Variants in CD74 observed in about 807,000 individuals in gnomAD.
CD74 encodes HLA class II histocompatibility antigen gamma chain.
CD74 carries 20 observed loss-of-function variants against 37.1 expected under a neutral mutation model. The ratio of observed to expected loss-of-function variants is 0.54; its 90% CI spans 0.38 to 0.78. CD74 has a LOEUF of 0.78. Among genes scored for constraint, CD74 ranks in the 30% least tolerant of loss-of-function variants. The pLI is 0.00. For missense variants in CD74, 338 were observed against 389.5 expected (o/e 0.87, Z 1.11); for synonymous variants, 150 against 152.0 (o/e 0.99, Z 0.10).
chr5:150,408,859 G>A (rs1323649797), intron 1 of CD74, among the ~76,000 whole-genome samples: 1 of 152,160 alleles, frequency 6.6e-6, no homozygotes, highest in Non-Finnish European at 1.5e-5. Context: ...CCTGTAAGAC[G>A]GCTTGATGGA....
chr5:150,401,976 C>T lies in CD74; in HGVS notation c.*264G>A, dbSNP rs751726792. 19 of 1,318,884 alleles carry T rather than the reference C, an allele frequency of 1.4e-5. No homozygotes were observed. The highest frequency in any genetic ancestry group is 1.8e-4 in the Middle Eastern group (1 of 5,552). The allele number at this position is 1,318,884 out of a possible 1,614,324, so 81.7% of individuals were successfully genotyped here. A position where few individuals can be genotyped will look rare whatever the true frequency, so the allele number is the denominator to read the frequency against. On this transcript the variant is annotated 3_prime_UTR_variant, in exon 9 of 9. Transcript: ENST00000009530. ...TTGGAGGCTGCTGTGATGTCAGGAACGGGGATCTGTCTAGCTTTTGGCCAC... is the reference window on the plus strand; with the variant it reads ...TTGGAGGCTGCTGTGATGTCAGGAATGGGGATCTGTCTAGCTTTTGGCCAC...
chr5:150,410,382 C>G (rs1469920537), intron 1 of CD74, among the ~76,000 whole-genome samples: 2 of 152,130 alleles, frequency 1.3e-5, no homozygotes, highest in African/African-American at 4.8e-5. Context: ...AGTTCTGGGA[C>G]CATCTAAGTT....
At chr5:150,408,348 C>T (rs1176040389) in intron 1 of CD74, among the ~76,000 whole-genome samples, 1 of 152,150 alleles carries the variant, frequency 6.6e-6, no homozygotes, top group African/African-American at 2.4e-5. Flanking sequence ...ACTCTGGGGC[C>T]ATCCTCTGCC....
chr5:150,405,386 C>T (rs1010198081), intron 4 of CD74: 47 of 1,268,844 alleles, frequency 3.7e-5, no homozygotes, highest in Admixed American at 1.6e-4. Flanking sequence ...GAGACTGCAG[C>T]GTTGCGAGTC....
chr5:150,406,148 A>G, intron 4 of CD74, 111 bp downstream of exon 4: 1 of 796,876 alleles, frequency 1.3e-6, no homozygotes, highest in Non-Finnish European at 2.2e-6. Context: ...AGTAATCCAG[A>G]GAGCACATGT....
At position 150,402,874 on chromosome 5, in the gene CD74, C is replaced by T. The variant is rs1463233745; in HGVS notation, c.817+247G>A. On this transcript the variant is annotated intron_variant, in intron 7 of 8. Transcript: ENST00000009530. The surrounding 1 kb of genome is among the most constrained non-coding windows in gnomAD (Gnocchi z 4.2). The stretch of plus-strand genomic sequence containing the variant: ...GGATGGCGCGTGGATGGATGAAATT[C>T]ACAGATGAAAGGACTGACGGATAAG... Among the ~76,000 whole-genome samples, 2 of 152,178 alleles carry T rather than the reference C, an allele frequency of 1.3e-5. No individual in the cohort carries two copies. The highest frequency in any genetic ancestry group is 2.4e-5 in the African/African-American group (1 of 41,414).
chr5:150,404,774 C>T lies in CD74; in HGVS notation c.538-7G>A, dbSNP rs775590064. On this transcript the variant is annotated splice_polypyrimidine_tract_variant and splice_region_variant and intron_variant, in intron 5 of 8. Coordinates refer to ENST00000009530, the MANE Select transcript of CD74 (RefSeq NM_001025159.3). ...GCATCCAGCTCTCAAAGACCTAATA[C>T]GGATAGAGGTGGAGGTCAGGTTCGA... 4.1e-5 allele frequency: 64 copies of T among 1,557,316 alleles called. No homozygotes were observed. The highest frequency in any genetic ancestry group is 2.6e-4 in the Admixed American group (14 of 52,920).
chr5:150,404,915 C>T (rs1250362821), intron 5 of CD74, 148 bp from the exon 6 acceptor site: 2 of 832,254 alleles, frequency 2.4e-6, no homozygotes, highest in Non-Finnish European at 3.9e-6. Context: ...TCTTAAAGAC[C>T]CCTGGGGCTG....
rs1217596405 is a variant in CD74 at position 150,407,391 on chromosome 5, G to A, written c.126-67C>T. On this transcript the variant is annotated intron_variant, in intron 1 of 8. Coordinates refer to ENST00000009530, the MANE Select transcript of CD74 (RefSeq NM_001025159.3). The surrounding 1 kb of genome is among the most constrained non-coding windows in gnomAD (Gnocchi z 4.4). ...TGGTGGCTGCCCCAAGGGCTGGCTA[G>A]GAATGGGGAAATGTATACCCCCATC... 1.3e-5 allele frequency: 18 copies of A among 1,374,260 alleles called. No homozygotes were observed. The highest frequency in any genetic ancestry group is 2.1e-5 in the Admixed American group (1 of 47,864). The allele number at this position is 1,374,260 out of a possible 1,614,324, so 85.1% of individuals were successfully genotyped here.
At chr5:150,404,511 G>A (rs1769830340) in intron 6 of CD74, 169 bp downstream of exon 6, 1 of 587,586 alleles carries the variant, frequency 1.7e-6, no homozygotes, top group Non-Finnish European at 3.1e-6. Flanking sequence ...GCCAAACCAA[G>A]AAGGAACAGA....
rs2151165491 is a variant in CD74, at chr5:150,402,213, G to T, written c.*27C>A. On this transcript the variant is annotated 3_prime_UTR_variant, in exon 9 of 9. Transcript: ENST00000009530. This position sits in a 1 kb window ranked among gnomAD's most constrained non-coding sequence, Gnocchi z 4.2. ...AAGCTGTAGCTGTGTGGGGCTGGCA[G>T]GATGTTGAAGACCGCCTCTGCTGCT... is the stretch of plus-strand genomic sequence containing the variant. 1 of 1,598,672 alleles carries T rather than the reference G, an allele frequency of 6.3e-7. No individual in the cohort carries two copies.
intron 6 of CD74, 71 bp downstream of exon 6, chr5:150,404,609 G>A (rs891447075): frequency 1.1e-4 from 102 of 901,974 alleles, no homozygotes; most frequent in African/African-American, 2.3e-4. Flanking sequence ...TGGAGGCCCC[G>A]GCCTCAGCAG....
Position 150,406,337 on chromosome 5 carries a change from A to C in CD74, c.379-16T>G, listed in dbSNP as rs1163199524. ...TCTGCATGGGCTGTGGGAGGAAGTA[A>C]CAGAAGGTTACCAGAGCTGGTCCCT... On this transcript the variant is annotated splice_polypyrimidine_tract_variant and intron_variant, in intron 3 of 8. Coordinates refer to ENST00000009530, the MANE Select transcript of CD74 (RefSeq NM_001025159.3). 3.7e-6 allele frequency: 6 copies of C among 1,609,538 alleles called. No individual in the cohort carries two copies. The highest frequency in any genetic ancestry group is 5.1e-6 in the Non-Finnish European group (6 of 1,176,174).
In CD74 at chr5:150,407,151, C is replaced by T. The variant is rs879234501; in HGVS notation, c.298+1G>A. 2 of 1,612,956 alleles carry T rather than the reference C, an allele frequency of 1.2e-6. No homozygotes were observed. Among genetic ancestry groups the T allele is most frequent in the Admixed American group, 1.7e-5 (1 of 59,928 alleles). On this transcript the variant is annotated splice_donor_variant, in intron 2 of 8. Coordinates refer to ENST00000009530, the MANE Select transcript of CD74 (RefSeq NM_001025159.3). LOFTEE classifies it high-confidence loss of function. The surrounding 1 kb of genome is among the most constrained non-coding windows in gnomAD (Gnocchi z 4.4). ...GTATCAGGATGTAGGGGTGCACGCA[C>T]GCTTGGGAAGCTTCATGCGCAGGTT...
intron 4 of CD74, chr5:150,405,558 C>T (rs545513381): frequency 4.1e-5 from 14 of 338,524 alleles, no homozygotes; most frequent in Admixed American, 6.0e-5. Context: ...AAGCCCCCTG[C>T]ACTTCTGTCA....
chr5:150,406,792 G>A (rs967195872), intron 3 of CD74, 89 bp downstream of exon 3: 1 of 852,274 alleles, frequency 1.2e-6, no homozygotes, highest in African/African-American at 1.7e-5. Flanking sequence ...CTCCCCAGGT[G>A]GGCTCTCTTC....
At position 150,402,749 on chromosome 5, in the gene CD74, G is replaced by T; in HGVS notation, c.818-124C>A. The T allele has an allele frequency of 1.3e-6, 1 of 798,140 alleles. No individual in the cohort carries two copies. 49.4% of individuals were successfully genotyped at this position (798,140 alleles called of 1,614,324 possible). Reference sequence around the variant, plus strand: ...CCTGGGAAAGCAGGTACCCAGGGAAGGACAGCTGCAAGCAGCAACAAAGAG... The same window carrying T: ...CCTGGGAAAGCAGGTACCCAGGGAATGACAGCTGCAAGCAGCAACAAAGAG... On this transcript the variant is annotated intron_variant, in intron 7 of 8. Transcript: ENST00000009530. This position sits in a 1 kb window ranked among gnomAD's most constrained non-coding sequence, Gnocchi z 4.2.
In CD74 at chr5:150,407,353, G is replaced by C. The variant is rs1770036540; in HGVS notation, c.126-29C>G. 6.3e-7 allele frequency: 1 copy of C among 1,578,716 alleles called. No individual in the cohort carries two copies. On this transcript the variant is annotated intron_variant, in intron 1 of 8. Transcript: ENST00000009530. This position sits in a 1 kb window ranked among gnomAD's most constrained non-coding sequence, Gnocchi z 4.4. ...TGGGAGGTGGGGAGGATAGGTCAGA[G>C]GAGGATCCACAGTGGTGGCTGCCCC... is the stretch of plus-strand genomic sequence containing the variant.
At position 150,407,504 on chromosome 5, in the gene CD74, C is replaced by A. The variant is rs576969054; in HGVS notation, c.126-180G>T. 6.6e-6 allele frequency among the ~76,000 whole-genome samples: 1 copy of A among 152,158 alleles called. No individual in the cohort carries two copies. Among genetic ancestry groups the A allele is most frequent in the Non-Finnish European group, 1.5e-5 (1 of 68,016 alleles). On this transcript the variant is annotated intron_variant, in intron 1 of 8. Transcript: ENST00000009530. The surrounding 1 kb of genome is among the most constrained non-coding windows in gnomAD (Gnocchi z 4.4). ...CTATGGAAACACAGCTTGAAGACCT[C>A]ACCCCACCCCTCCTTCCAACCATCG...
Sources: gnomAD v4.1 joint callset for allele counts (sites outside exome capture counted in the v4.1 genomes callset) on GRCh38, gnomAD v4.1.1 for gene constraint, Gnocchi (gnomAD v3.1) non-coding constraint, MANE v1.5 for transcripts, NCBI Gene and HGNC (gene_info 2026-07-23, HGNC 2026-07-21) for gene names.